The following RPTOR variants were observed in gnomAD, a reference collection of about 807,000 sequenced individuals.
RPTOR encodes the protein regulatory-associated protein of mTOR.
RPTOR carries 21 observed loss-of-function variants against 169.9 expected under a neutral mutation model. The ratio of observed to expected loss-of-function variants is 0.12; its 90% confidence interval spans 0.09 to 0.18. The LOEUF (loss-of-function observed/expected upper bound fraction) is 0.18, where lower values mean the gene tolerates loss of function less well. Ranked by LOEUF, RPTOR falls within the 10% of genes least tolerant of loss-of-function variation. The pLI is 1.00. For synonymous variants in RPTOR, 732 were observed against 753.2 expected, an observed-to-expected ratio of 0.97 and a Z score of 0.46; for missense variants, 1,133 against 1,855.9, an observed-to-expected ratio of 0.61 and a Z score of 7.16.
chr17:80,628,821 G>A (rs2065416204), intron 2 of RPTOR, among the ~76,000 whole-genome samples: 1 of 152,132 alleles, frequency 6.6e-6, no homozygotes, highest in Non-Finnish European at 1.5e-5. Context: ...TCTTGGATGT[G>A]TAGTTTGATG....
intron 31 of RPTOR, 80 bp from the exon 32 acceptor site, chr17:80,962,381 C>T (rs1415533935): frequency 3.5e-6 from 4 of 1,134,292 alleles, no homozygotes; most frequent in South Asian, 2.6e-5. Flanking sequence ...CGACCCCACA[C>T]ACCTGGTTCC....
At chr17:80,558,255 G>A (rs2084435669) in intron 1 of RPTOR, among the ~76,000 whole-genome samples, 1 of 152,148 alleles carries the variant, frequency 6.6e-6, no homozygotes, top group Admixed American at 6.5e-5. Context: ...GAGCTATGAT[G>A]GTGTCACTGC....
intron 1 of RPTOR, among the ~76,000 whole-genome samples, chr17:80,583,673 G>T (rs947639518): frequency 1.3e-5 from 2 of 152,210 alleles, no homozygotes; most frequent in African/African-American, 4.8e-5. Flanking sequence ...CTCCCAACCC[G>T]GTAGTGAAGG....
At chr17:80,545,927 G>A in intron 1 of RPTOR, 136 bp downstream of exon 1, 1 of 721,940 alleles carries the variant, frequency 1.4e-6, no homozygotes, top group Non-Finnish European at 2.1e-6. Context: ...GAAAGCAAAA[G>A]CCATTTCAGA....
chr17:80,916,437 G>A (rs1305447844), intron 21 of RPTOR, among the ~76,000 whole-genome samples: 1 of 152,226 alleles, frequency 6.6e-6, no homozygotes, highest in African/African-American at 2.4e-5. Context: ...ATGCATGGCT[G>A]CGCACAGTGG....
At chr17:80,890,288 C>T (rs916725534) in intron 17 of RPTOR, among the ~76,000 whole-genome samples, 1 of 152,246 alleles carries the variant, frequency 6.6e-6, no homozygotes, top group African/African-American at 2.4e-5. Flanking sequence ...GGAAAAAAAT[C>T]GGTGCTTTCT....
intron 7 of RPTOR, among the ~76,000 whole-genome samples, chr17:80,816,503 A>C (rs193286444): frequency 1.6e-3 from 248 of 152,330 alleles, no homozygotes; most frequent in Admixed American, 3.8e-3. Flanking sequence ...GCCGAGGGTG[A>C]AGGGAAGCGC....
intron 5 of RPTOR, among the ~76,000 whole-genome samples, chr17:80,743,828 TACTAGCACAGCCCTGGTTACTAGCAGAGC>T (rs2066518246): frequency 7.9e-6 from 1 of 127,282 alleles, no homozygotes; most frequent in African/African-American, 3.0e-5. Flanking sequence ...GAGCCCTGGC[TACTAGCACAGCCCTGGTTACTAGCAGAGC>T]CCTGGCTACT....
intron 2 of RPTOR, 63 bp from the exon 3 acceptor site, chr17:80,643,665 A>T: frequency 8.1e-7 from 1 of 1,228,188 alleles, no homozygotes; most frequent in Non-Finnish European, 1.2e-6. Context: ...ACTGTGGAAG[A>T]GAGGCCTAGC....
chr17:80,563,213 AGTTTTTT>A (rs1215465149), intron 1 of RPTOR, among the ~76,000 whole-genome samples: 1 of 135,548 alleles, frequency 7.4e-6, no homozygotes, highest in Non-Finnish European at 1.6e-5. Context: ...TTCCCTGAAG[AGTTTTTT>A]TTTTTAATTT....
chr17:80,669,267 T>C (rs970403622), intron 3 of RPTOR, among the ~76,000 whole-genome samples: 1 of 152,250 alleles, frequency 6.6e-6, no homozygotes. Context: ...CTTCTTCTCT[T>C]GCCCTTGCAC....
chr17:80,691,231 T>C (rs1334063154), intron 3 of RPTOR, among the ~76,000 whole-genome samples: 3 of 142,256 alleles, frequency 2.1e-5, no homozygotes, highest in Non-Finnish European at 4.6e-5. Context: ...CAAAATCGTG[T>C]GTGGGCTTCT....
intron 2 of RPTOR, among the ~76,000 whole-genome samples, chr17:80,637,939 C>T (rs1277274852): frequency 6.6e-6 from 1 of 152,232 alleles, no homozygotes; most frequent in Non-Finnish European, 1.5e-5. Context: ...TTCTTGCAAC[C>T]ATTTGGGATT....
rs1555607737 is a variant in RPTOR, at chr17:80,690,342, T to TACATAC, written c.349-17496_349-17495insTACACA. Among the ~76,000 whole-genome samples the TACATAC allele has an allele frequency of 6.2e-5, 9 of 145,330 alleles. No homozygotes were observed. In the East Asian group the frequency reaches 1.6e-3, roughly 25 times the overall value. On this transcript the variant is annotated intron_variant, in intron 3 of 33. Transcript: ENST00000306801. ...ATGCTTCTAAACACACACACACACA[T>TACATAC]ACACACACACACAATGTTTGTTTGA...
intron 5 of RPTOR, 123 bp from the exon 6 acceptor site, chr17:80,753,887 C>A (rs2066654643): frequency 7.7e-6 from 7 of 904,210 alleles, no homozygotes; most frequent in East Asian, 4.9e-5. Flanking sequence ...AGAGGACTTT[C>A]CAGTGAAAAC....
intron 4 of RPTOR, among the ~76,000 whole-genome samples, chr17:80,729,823 G>T (rs1055449283): frequency 6.6e-6 from 1 of 152,192 alleles, no homozygotes; most frequent in African/African-American, 2.4e-5. Context: ...TGAAGAGCAC[G>T]TGTGTGAGAC....
Position 80,883,493 on chromosome 17 carries a change from C to A in RPTOR, c.1650+9C>A. 6.2e-7 allele frequency: 1 copy of A among 1,613,128 alleles called. No individual in the cohort carries two copies. Among genetic ancestry groups the A allele is most frequent in the Non-Finnish European group, 8.5e-7 (1 of 1,179,250 alleles). Reference sequence around the variant, plus strand: ...GCTATCACACGGGGCAGGTGAGCCCCCCAGCCACCCCCAGCCCCAGAGCTC... The same window carrying A: ...GCTATCACACGGGGCAGGTGAGCCCACCAGCCACCCCCAGCCCCAGAGCTC... On this transcript the variant is annotated intron_variant, in intron 15 of 33. Transcript: ENST00000306801.
At chr17:80,843,985 C>T (rs1026009912) in intron 10 of RPTOR, among the ~76,000 whole-genome samples, 3 of 152,204 alleles carry the variant, frequency 2.0e-5, no homozygotes, top group East Asian at 1.9e-4. Flanking sequence ...GCAACCCAGA[C>T]GCTCAGCCCA....
chr17:80,844,654 G>A lies in RPTOR; in HGVS notation c.1213-1819G>A, dbSNP rs1043652825. Among the ~76,000 whole-genome samples the A allele has an allele frequency of 6.6e-6, 1 of 152,210 alleles. No homozygotes were observed. The highest frequency in any genetic ancestry group is 1.5e-5 in the Non-Finnish European group (1 of 68,040). ...TGCACAGGAGCACGGATTCCTACGTGGTGAATGTTCTCGGCTGACTTTTTA... is the reference window on the plus strand; with the variant it reads ...TGCACAGGAGCACGGATTCCTACGTAGTGAATGTTCTCGGCTGACTTTTTA... On this transcript the variant is annotated intron_variant, in intron 10 of 33. Coordinates refer to ENST00000306801, the MANE Select transcript of RPTOR (RefSeq NM_020761.3). This position sits in a 1 kb window ranked among gnomAD's most constrained non-coding sequence, Gnocchi z 4.7.
Sources: allele counts gnomAD v4.1 joint callset (sites outside exome capture counted in the v4.1 genomes callset), GRCh38; gene constraint gnomAD v4.1.1; non-coding constraint Gnocchi (gnomAD v3.1); transcripts MANE v1.5; gene names NCBI Gene and HGNC (gene_info 2026-07-23, HGNC 2026-07-21).